The following CLSTN2 variants were observed in gnomAD, a reference collection of about 807,000 sequenced individuals.
CLSTN2 encodes calsyntenin-2.
A neutral mutation model predicts 101.2 loss-of-function variants in CLSTN2; 48 were observed. That is an observed-to-expected ratio of 0.47 (90% CI 0.38 to 0.60). The LOEUF (loss-of-function observed/expected upper bound fraction) is 0.60, where lower values mean the gene tolerates loss of function less well. CLSTN2 is among the 20% of genes least tolerant of loss of function. The pLI is 0.00. For missense variants in CLSTN2, 1,160 were observed against 1,238.2 expected (o/e 0.94, Z 0.95); for synonymous variants, 481 against 463.6 (o/e 1.04, Z -0.48).
chr3:140,090,848 G>T (rs1576423465), intron 1 of CLSTN2, among the ~76,000 whole-genome samples: 1 of 152,118 alleles, frequency 6.6e-6, no homozygotes, highest in Admixed American at 6.5e-5. Flanking sequence ...GGCAGGAAAG[G>T]GTACTACTGG....
intron 1 of CLSTN2, among the ~76,000 whole-genome samples, chr3:139,938,859 T>C (rs1258852607): frequency 2.6e-5 from 4 of 152,204 alleles, no homozygotes; most frequent in African/African-American, 9.7e-5. Flanking sequence ...GCCCGCCTTG[T>C]GTGCTAAGAG....
At chr3:140,519,242 C>T (rs1427655897) in intron 8 of CLSTN2, among the ~76,000 whole-genome samples, 2 of 152,196 alleles carry the variant, frequency 1.3e-5, no homozygotes, top group African/African-American at 4.8e-5. Flanking sequence ...GAGTCTTTCA[C>T]TTCGATTATG....
chr3:140,410,172 T>G (rs1383063038), intron 4 of CLSTN2, among the ~76,000 whole-genome samples: 1 of 152,014 alleles, frequency 6.6e-6, no homozygotes, highest in East Asian at 1.9e-4. Flanking sequence ...GAGAGAGATA[T>G]GGACATCTAG....
At chr3:140,038,285 T>G (rs1054342673) in intron 1 of CLSTN2, among the ~76,000 whole-genome samples, 1 of 152,236 alleles carries the variant, frequency 6.6e-6, no homozygotes, top group African/African-American at 2.4e-5. Context: ...GATTTGCATT[T>G]CTCTAATGAT....
intron 8 of CLSTN2, among the ~76,000 whole-genome samples, chr3:140,500,511 T>C (rs1934556251): frequency 6.6e-6 from 1 of 152,236 alleles, no homozygotes; most frequent in African/African-American, 2.4e-5. Flanking sequence ...GGGATGTTTC[T>C]GAATCAGAGG....
At chr3:140,095,717 A>G (rs577016591) in intron 1 of CLSTN2, among the ~76,000 whole-genome samples, 26 of 152,352 alleles carry the variant, frequency 1.7e-4, no homozygotes, top group African/African-American at 6.3e-4. Context: ...TTTCTGCACA[A>G]AATGAGAGAG....
intron 1 of CLSTN2, among the ~76,000 whole-genome samples, chr3:140,150,129 C>T (rs1455704705): frequency 1.3e-5 from 2 of 152,206 alleles, no homozygotes; most frequent in African/African-American, 4.8e-5. Flanking sequence ...GAATGCACTA[C>T]TACTTCCTTT....
At chr3:140,530,924 C>G (rs944798239) in intron 8 of CLSTN2, among the ~76,000 whole-genome samples, 2 of 152,204 alleles carry the variant, frequency 1.3e-5, no homozygotes, top group African/African-American at 4.8e-5. Context: ...CTTGGCTATC[C>G]TTGATTGCAA....
chr3:140,271,515 G>C (rs2086741510), intron 2 of CLSTN2, among the ~76,000 whole-genome samples: 2 of 152,146 alleles, frequency 1.3e-5, no homozygotes, highest in Admixed American at 6.5e-5. Flanking sequence ...TCAGTGTCTG[G>C]TGAGGGCCCA....
intron 1 of CLSTN2, among the ~76,000 whole-genome samples, chr3:140,136,031 AC>A (rs2009611496): frequency 6.6e-6 from 1 of 152,242 alleles, no homozygotes; most frequent in South Asian, 2.1e-4. Context: ...AGTGAGGGTC[AC>A]TTTCATTCTT....
intron 8 of CLSTN2, among the ~76,000 whole-genome samples, chr3:140,491,181 C>T (rs755668880): frequency 5.3e-5 from 8 of 152,180 alleles, no homozygotes; most frequent in Admixed American, 2.6e-4. Context: ...GGTGCCCCTC[C>T]GGCCTTCTCT....
intron 1 of CLSTN2, among the ~76,000 whole-genome samples, chr3:140,067,335 C>T (rs148857548): frequency 1.3e-5 from 2 of 152,276 alleles, no homozygotes; most frequent in Non-Finnish European, 2.9e-5. Context: ...AATTCGTGTT[C>T]AGCTCTCCAG....
intron 1 of CLSTN2, among the ~76,000 whole-genome samples, chr3:139,990,776 C>T (rs1188755703): frequency 6.6e-6 from 1 of 152,108 alleles, no homozygotes; most frequent in Non-Finnish European, 1.5e-5. Context: ...GACAAGATGC[C>T]CTTGTAGTTC....
At chr3:139,973,889 G>A (rs1027127487) in intron 1 of CLSTN2, among the ~76,000 whole-genome samples, 2 of 151,966 alleles carry the variant, frequency 1.3e-5, no homozygotes, top group African/African-American at 2.4e-5. Flanking sequence ...TTCCCGCCTC[G>A]GCCTCCCAAA....
At chr3:140,467,310 T>C (rs1326444588) in intron 8 of CLSTN2, among the ~76,000 whole-genome samples, 1 of 152,194 alleles carries the variant, frequency 6.6e-6, no homozygotes, top group Non-Finnish European at 1.5e-5. Flanking sequence ...ACTCCAAAGC[T>C]TTGAAGTATG....
intron 8 of CLSTN2, among the ~76,000 whole-genome samples, chr3:140,513,763 C>T (rs763359078): frequency 2.0e-5 from 3 of 151,664 alleles, no homozygotes; most frequent in Non-Finnish European, 4.4e-5. Context: ...TCTGTCTGGG[C>T]CTGGGCTTTT....
intron 8 of CLSTN2, among the ~76,000 whole-genome samples, chr3:140,510,337 G>A (rs1044743512): frequency 2.6e-5 from 4 of 152,142 alleles, no homozygotes; most frequent in African/African-American, 9.7e-5. Context: ...TAAGGGCAGT[G>A]GTGAGAAAGA....
chr3:140,350,454 G>A (rs1016769137), intron 2 of CLSTN2, among the ~76,000 whole-genome samples: 2 of 152,162 alleles, frequency 1.3e-5, no homozygotes, highest in African/African-American at 4.8e-5. Flanking sequence ...TGGGATGTGG[G>A]GTAGGGAGGG....
Position 140,459,542 on chromosome 3 carries a change from A to T in CLSTN2, c.995A>T (p.Asp332Val), listed in dbSNP as rs1359501198. The T allele has an allele frequency of 6.2e-7, 1 of 1,613,922 alleles. No individual in the cohort carries two copies. The highest frequency in any genetic ancestry group is 1.1e-5 in the South Asian group (1 of 91,064). The change falls in exon 7 of 17, where the codon GAC (aspartate) becomes GTC (valine). Residue 332 changes from aspartate to valine, a missense_variant. Physicochemically the swap from Asp to Val is radical, Grantham distance 152. Transcript: ENST00000458420. ...KLCGASSGII[D>V]LLPSPSAATN... The stretch of plus-strand genomic sequence containing the variant: ...GCAGGAGCCTCCTCTGGCATCATTG[A>T]CCTCTTGCCATCCCCTAGCGCTGCC...
Sources: gnomAD v4.1 joint callset for allele counts (sites outside exome capture counted in the v4.1 genomes callset) on GRCh38, gnomAD v4.1.1 for gene constraint, MANE v1.5 for transcripts, NCBI Gene and HGNC (gene_info 2026-07-23, HGNC 2026-07-21) for gene names.